REN: variants seen among roughly 807,000 people sequenced by gnomAD.
REN encodes the protein renin, also known as angiotensin-forming enzyme.
A neutral mutation model predicts 48.6 loss-of-function variants in REN; 42 were observed. The ratio of observed to expected loss-of-function variants is 0.86; its 90% confidence interval spans 0.68 to 1.12. REN has a LOEUF of 1.12. REN is among the 50% of genes most tolerant of loss of function. The pLI is 0.00. For missense variants in REN, 443 were observed against 527.3 expected (o/e 0.84, Z 1.57); for synonymous variants, 196 against 204.6 (o/e 0.96, Z 0.36).
Position 204,161,331 on chromosome 1 carries a change from C to G in REN, c.334G>C (p.Val112Leu). Reference sequence around the variant, plus strand: ...AGACGGCTGCACTTGGAGGAGGGCACCCAAACATTGGACGAACCAGTGTCA... The same window carrying G: ...AGACGGCTGCACTTGGAGGAGGGCAGCCAAACATTGGACGAACCAGTGTCA... ...VFDTGSSNVW[V>L]PSSKCSRLYT... The change falls in exon 3 of 10, where the codon GTG becomes CTG. Residue 112 changes from valine to leucine, a missense_variant. Coordinates refer to ENST00000272190, the MANE Select transcript of REN (RefSeq NM_000537.4). The G allele has an allele frequency of 6.2e-7, 1 of 1,608,060 alleles. No individual in the cohort carries two copies. Among genetic ancestry groups the G allele is most frequent in the Non-Finnish European group, 8.5e-7 (1 of 1,177,320 alleles).
At chr1:204,155,745 T>G in intron 9 of REN, 75 bp downstream of exon 9, 3 of 1,116,604 alleles carry the variant, frequency 2.7e-6, no homozygotes, top group Non-Finnish European at 4.0e-6. Flanking sequence ...GACCTGTGCA[T>G]TGTAATCTGT....
chr1:204,161,174 C>T, intron 3 of REN, 118 bp downstream of exon 3: 1 of 1,154,180 alleles, frequency 8.7e-7, no homozygotes, highest in Non-Finnish European at 1.2e-6. Context: ...GGCACAGAGG[C>T]AGAGAGGAAG....
chr1:204,156,553 C>A lies in REN; in HGVS notation c.818+124G>T. The A allele has an allele frequency of 6.9e-7, 1 of 1,439,280 alleles. No individual in the cohort carries two copies. Among genetic ancestry groups the A allele is most frequent in the South Asian group, 1.2e-5 (1 of 85,822 alleles). The allele number at this position is 1,439,280 out of a possible 1,614,324, so 89.2% of individuals were successfully genotyped here. On this transcript the variant is annotated intron_variant, in intron 7 of 9. Coordinates refer to ENST00000272190, the MANE Select transcript of REN (RefSeq NM_000537.4). This position sits in a 1 kb window ranked among gnomAD's most constrained non-coding sequence, Gnocchi z 4.2. ...AGAGCAGGCAGAGAGCAAATGGTGG[C>A]TGTGCTTAAGAAGTGGCTGCATTTG...
intron 1 of REN, among the ~76,000 whole-genome samples, chr1:204,163,295 G>T (rs1424115528): frequency 1.3e-5 from 2 of 152,020 alleles, no homozygotes; most frequent in African/African-American, 4.8e-5. Context: ...CCCCCATTTT[G>T]CCCATGAACA....
rs11571082 is a variant in REN at position 204,161,903 on chromosome 1, C to T, written c.249+110G>A. On this transcript the variant is annotated intron_variant, in intron 2 of 9. Transcript: ENST00000272190. ...TCTAGGGTGCTCACGTGCTACTCAG[C>T]GCCTTCGTCAAACACAGCTTGGAAA... 0.13 allele frequency: 179,794 copies of T among 1,392,112 alleles called. 12,760 individuals are homozygous for T. Among genetic ancestry groups the T allele is most frequent in the African/African-American group, 0.27 (18,922 of 70,102 alleles). 86.2% of individuals were successfully genotyped at this position (1,392,112 alleles called of 1,614,324 possible). A position where few individuals can be genotyped will look rare whatever the true frequency, so the allele number is the denominator to read the frequency against.
chr1:204,159,866 G>C (rs1658212530), intron 4 of REN, among the ~76,000 whole-genome samples: 1 of 152,182 alleles, frequency 6.6e-6, no homozygotes, highest in Non-Finnish European at 1.5e-5. Context: ...GCTGCCAAGA[G>C]CTCCTCCCCT....
chr1:204,155,599 C>T (rs190947882), intron 9 of REN, among the ~76,000 whole-genome samples: 75 of 152,214 alleles, frequency 4.9e-4, no homozygotes, highest in African/African-American at 1.7e-3. Flanking sequence ...TTGGAATCAC[C>T]TGGGGAAACT....
At chr1:204,165,685 G>C (rs1204302902) in intron 1 of REN, among the ~76,000 whole-genome samples, 2 of 151,884 alleles carry the variant, frequency 1.3e-5, no homozygotes, top group Non-Finnish European at 2.9e-5. Flanking sequence ...CCACCTTCCG[G>C]GCTCAAACGA....
chr1:204,156,349 C>G lies in REN; in HGVS notation c.819-30G>C, dbSNP rs1206224127. 1.2e-6 allele frequency: 2 copies of G among 1,606,998 alleles called. No individual in the cohort carries two copies. Among genetic ancestry groups the G allele is most frequent in the East Asian group, 2.2e-5 (1 of 44,536 alleles). On this transcript the variant is annotated intron_variant, in intron 7 of 9. Coordinates refer to ENST00000272190, the MANE Select transcript of REN (RefSeq NM_000537.4). This position sits in a 1 kb window ranked among gnomAD's most constrained non-coding sequence, Gnocchi z 4.2. ...GGGAGGCCACAGTCAGACAGACAGA[C>G]AGACAGACAGACAGAAGGCTGATGG...
In REN at chr1:204,161,207, G is replaced by A. The variant is rs1315458385; in HGVS notation, c.373+85C>T. 14 of 1,439,450 alleles carry A rather than the reference G, an allele frequency of 9.7e-6. No homozygotes were observed. The Admixed American group carries it at 3.0e-4, about 31-fold the overall frequency. 89.2% of individuals were successfully genotyped at this position (1,439,450 alleles called of 1,614,324 possible). A position where few individuals can be genotyped will look rare whatever the true frequency, so the allele number is the denominator to read the frequency against. On this transcript the variant is annotated intron_variant, in intron 3 of 9. Coordinates refer to ENST00000272190, the MANE Select transcript of REN (RefSeq NM_000537.4). ...AAGCCACTCCCTTGGTGGCAAGAGGGATGGGAGCTGGGTGTTGGGCAGGAT... is the reference window on the plus strand; with the variant it reads ...AAGCCACTCCCTTGGTGGCAAGAGGAATGGGAGCTGGGTGTTGGGCAGGAT...
At position 204,154,968 on chromosome 1, in the gene REN, G is replaced by C; in HGVS notation, c.*48C>G. On this transcript the variant is annotated 3_prime_UTR_variant, in exon 10 of 10. Transcript: ENST00000272190. ...GAGGGGCATCTCAGAGAGTGTTCCA[G>C]CTCTGGGCCAGGGCTGAAGGCAGGG... 1 of 1,605,962 alleles carries C rather than the reference G, an allele frequency of 6.2e-7. No individual in the cohort carries two copies. The highest frequency in any genetic ancestry group is 8.5e-7 in the Non-Finnish European group (1 of 1,175,902).
In REN at chr1:204,160,664, A is replaced by C; in HGVS notation, c.388T>G (p.Phe130Val). The C allele has an allele frequency of 4.3e-6, 7 of 1,613,636 alleles. No homozygotes were observed. Among genetic ancestry groups the C allele is most frequent in the Non-Finnish European group, 5.9e-6 (7 of 1,179,506 alleles). The change falls in exon 4 of 10, where the codon TTC becomes GTC. Residue 130 changes from phenylalanine (F) to valine (V), a missense_variant. By Grantham distance (50) the Phe-to-Val change is conservative. Transcript: ENST00000272190. ...LYTACVYHKL[F>V]DASDSSSYKH... is the part of the protein sequence containing the mutation. ...TAGCTGGAGGAATCCGAAGCATCGA[A>C]GAGCTTGTGATACACTGGCAGGGGG...
chr1:204,160,754 G>A, intron 3 of REN, 76 bp from the exon 4 acceptor site: 1 of 1,022,810 alleles, frequency 9.8e-7, no homozygotes, highest in Non-Finnish European at 1.6e-6. Flanking sequence ...GTGCATTGTG[G>A]GTATGGCTGG....
Position 204,162,017 on chromosome 1 carries a change from A to T in REN, c.245T>A (p.Met82Lys), listed in dbSNP as rs144219651. The T allele has an allele frequency of 3.7e-6, 6 of 1,614,066 alleles. No homozygotes were observed. The African/African-American group carries it at 8.0e-5, about 22-fold the overall frequency. Residue 82 changes from methionine (M) to lysine (K), a missense_variant, in exon 2 of 10, where the codon ATG becomes AAG. By Grantham distance (95) the Met-to-Lys change is moderately conservative. Coordinates refer to ENST00000272190, the MANE Select transcript of REN (RefSeq NM_000537.4). ...GGGGCTGAGCCAAGCACTCACGTCCATGTAGTTGGTGAGGATCACGGAGGA... is the reference window on the plus strand; with the variant it reads ...GGGGCTGAGCCAAGCACTCACGTCCTTGTAGTTGGTGAGGATCACGGAGGA... ...TTSSVILTNY[M>K]DTQYYGEIGI...
rs1045353423 is a variant in REN at position 204,162,072 on chromosome 1, T to A, written c.190A>T (p.Met64Leu). The A allele has an allele frequency of 6.2e-7, 1 of 1,613,964 alleles. No individual in the cohort carries two copies. Among genetic ancestry groups the A allele is most frequent in the Non-Finnish European group, 8.5e-7 (1 of 1,180,020 alleles). ...ARLGPEWSQP[M>L]KRLTLGNTTS... ...GTGTTGCCAAGTGTCAGCCTCTTCA[T>A]GGGTTGGCTCCACTCGGGACCAAGC... Residue 64 changes from methionine to leucine, a missense_variant, in exon 2 of 10, where the codon ATG (methionine) becomes TTG (leucine). Physicochemically the swap from Met to Leu is conservative, Grantham distance 15. Coordinates refer to ENST00000272190, the MANE Select transcript of REN (RefSeq NM_000537.4).
chr1:204,155,761 T>G, intron 9 of REN, 59 bp downstream of exon 9: 1 of 1,269,886 alleles, frequency 7.9e-7, no homozygotes. Context: ...TCTGTCACTC[T>G]TTGAGGGTCT....
At chr1:204,161,771 T>G (rs1479084249) in intron 2 of REN, among the ~76,000 whole-genome samples, 1 of 152,108 alleles carries the variant, frequency 6.6e-6, no homozygotes, top group African/African-American at 2.4e-5. Context: ...CTGTGACACC[T>G]GGCTTGAGGC....
In REN at chr1:204,155,852, AT is replaced by A; in HGVS notation, c.1026del (p.Glu342AspfsTer121). ...ACATAGTCCGCGCTGGTGAGCGTGT[AT>A]TCTTTGCCTCCCAGGTGGAAAGAGA... Reference protein sequence around the residue: ...PDISFHLGGKEYTLTSADYVF... With the variant: ...PDISFHLGGKXYTLTSADYVF... On this transcript the variant is annotated frameshift_variant, in exon 9 of 10. Coordinates refer to ENST00000272190, the MANE Select transcript of REN (RefSeq NM_000537.4). LOFTEE classifies it low-confidence loss of function (END_TRUNC). 6.2e-7 allele frequency: 1 copy of A among 1,614,082 alleles called. No homozygotes were observed. The highest frequency in any genetic ancestry group is 8.5e-7 in the Non-Finnish European group (1 of 1,179,998).
At chr1:204,157,915 T>A (rs1355343635) in intron 5 of REN, among the ~76,000 whole-genome samples, 1 of 152,194 alleles carries the variant, frequency 6.6e-6, no homozygotes, top group African/African-American at 2.4e-5. Context: ...CCTGGCTTCT[T>A]CCTGTCTGCT....
Sources: gnomAD v4.1 joint callset for allele counts (sites outside exome capture counted in the v4.1 genomes callset) on GRCh38, gnomAD v4.1.1 for gene constraint, Gnocchi (gnomAD v3.1) non-coding constraint, MANE v1.5 for transcripts, NCBI Gene and HGNC (gene_info 2026-07-23, HGNC 2026-07-21) for gene names.